The following DPP6 variants were observed in gnomAD, a reference collection of about 807,000 sequenced individuals.
The protein encoded by DPP6 is dipeptidyl peptidase like 6.
DPP6 carries 69 observed loss-of-function variants against 122.6 expected under a neutral mutation model. That is an observed-to-expected ratio of 0.56 (90% CI 0.46 to 0.69). DPP6 has a LOEUF of 0.69. Ranked by LOEUF, DPP6 falls within the 30% of genes least tolerant of loss-of-function variation. DPP6 has a pLI of 0.00. For missense variants in DPP6, 928 were observed against 1,116.9 expected (o/e 0.83, Z 2.41); for synonymous variants, 418 against 433.1 (o/e 0.97, Z 0.43).
chr7:154,116,540 A>C lies in DPP6; in HGVS notation c.243+63477A>C, dbSNP rs146570920. On this transcript the variant is annotated intron_variant, in intron 1 of 25. Coordinates refer to ENST00000377770, the MANE Select transcript of DPP6 (RefSeq NM_130797.4). ...ACAGTTTACTTTCCCCAATAAAACAAAACCTAAAGTATTTGGTCTTTAATA... is the reference window on the plus strand; with the variant it reads ...ACAGTTTACTTTCCCCAATAAAACACAACCTAAAGTATTTGGTCTTTAATA... 8.3e-3 allele frequency among the ~76,000 whole-genome samples: 1,259 copies of C among 152,372 alleles called. 3 individuals carry two copies. Among genetic ancestry groups the C allele is most frequent in the South Asian group, 0.014 (69 of 4,832 alleles).
rs1800483188 is a variant in DPP6 at position 154,224,460 on chromosome 7, C to A, written c.243+171397C>A. Among the ~76,000 whole-genome samples, 3 of 149,324 alleles carry A rather than the reference C, an allele frequency of 2.0e-5. 1 individual carries two copies. The highest frequency in any genetic ancestry group is 7.6e-5 in the African/African-American group (3 of 39,284). ...TGCTCTGGATAAAAATGAAACTCAA[C>A]TTTGAGGAAACTGTGTACTCTAAAT... On this transcript the variant is annotated intron_variant, in intron 1 of 25. Coordinates refer to ENST00000377770, the MANE Select transcript of DPP6 (RefSeq NM_130797.4).
At chr7:154,227,307 C>A (rs1800669167) in intron 1 of DPP6, among the ~76,000 whole-genome samples, 1 of 150,018 alleles carries the variant, frequency 6.7e-6, no homozygotes. Flanking sequence ...ACCTAGAGGA[C>A]ATTATACTAA....
intron 3 of DPP6, among the ~76,000 whole-genome samples, chr7:154,531,364 C>A (rs879558091): frequency 6.6e-6 from 1 of 152,078 alleles, no homozygotes; most frequent in Non-Finnish European, 1.5e-5. Context: ...GAGAGTGGAA[C>A]AGAGTTTCAA....
intron 1 of DPP6, among the ~76,000 whole-genome samples, chr7:154,007,135 C>T (rs565033429): frequency 3.7e-4 from 56 of 152,230 alleles, no homozygotes; most frequent in Admixed American, 2.3e-3. Flanking sequence ...GAGTGGTGCC[C>T]CAGTGTTGGG....
At chr7:154,032,334 C>G (rs1799286783) in intron 1 of DPP6, among the ~76,000 whole-genome samples, 2 of 152,044 alleles carry the variant, frequency 1.3e-5, no homozygotes, top group Admixed American at 6.6e-5. Flanking sequence ...AGCAAGGAAG[C>G]CTGTGTGGCT....
chr7:154,737,000 G>T (rs1401908329), intron 8 of DPP6, among the ~76,000 whole-genome samples: 1 of 152,156 alleles, frequency 6.6e-6, no homozygotes, highest in Non-Finnish European at 1.5e-5. Flanking sequence ...TATCCCCAAG[G>T]ATAAAGGAAA....
chr7:154,261,700 A>AC (rs1803031684), intron 1 of DPP6, among the ~76,000 whole-genome samples: 1 of 152,016 alleles, frequency 6.6e-6, no homozygotes, highest in Non-Finnish European at 1.5e-5. Context: ...CAAGAAAAAA[A>AC]CAAACAATCC....
At chr7:154,310,401 A>C (rs554722243) in intron 1 of DPP6, among the ~76,000 whole-genome samples, 2 of 152,364 alleles carry the variant, frequency 1.3e-5, no homozygotes, top group Admixed American at 6.5e-5. Flanking sequence ...AGTGCAAATC[A>C]GCAAGTGCCA....
intron 1 of DPP6, among the ~76,000 whole-genome samples, chr7:154,360,712 T>C (rs1239906973): frequency 6.6e-6 from 1 of 152,242 alleles, no homozygotes; most frequent in Non-Finnish European, 1.5e-5. Context: ...GTGTGATTTA[T>C]GACTGTATTC....
intron 1 of DPP6, among the ~76,000 whole-genome samples, chr7:153,931,032 A>G (rs2129013040): frequency 6.6e-6 from 1 of 152,310 alleles, no homozygotes; most frequent in Non-Finnish European, 1.5e-5. Context: ...CATTATTAAG[A>G]TTAGCTGTGT....
intron 1 of DPP6, among the ~76,000 whole-genome samples, chr7:154,374,859 G>A (rs1381200307): frequency 4.6e-5 from 7 of 152,126 alleles, no homozygotes; most frequent in African/African-American, 7.2e-5. Flanking sequence ...TGATCTGCCC[G>A]CCTCAGCCTC....
chr7:154,405,616 C>G (rs1816020668), intron 1 of DPP6, among the ~76,000 whole-genome samples: 1 of 151,590 alleles, frequency 6.6e-6, no homozygotes, highest in Non-Finnish European at 1.5e-5. Flanking sequence ...GCTCAGCTCC[C>G]CAGTGCAGTG....
At chr7:153,913,401 C>A (rs1283271415) in intron 1 of DPP6, among the ~76,000 whole-genome samples, 1 of 151,298 alleles carries the variant, frequency 6.6e-6, no homozygotes, top group Non-Finnish European at 1.5e-5. Flanking sequence ...TTTGAGCTAG[C>A]TTACAATAAA....
intron 1 of DPP6, among the ~76,000 whole-genome samples, chr7:154,307,309 C>G (rs1806435075): frequency 2.0e-5 from 3 of 152,176 alleles, no homozygotes; most frequent in Non-Finnish European, 4.4e-5. Context: ...GTCCTTGAAC[C>G]TATTCAATCG....
chr7:153,888,319 G>C (rs912747424), intron 1 of DPP6, among the ~76,000 whole-genome samples: 1 of 152,252 alleles, frequency 6.6e-6, no homozygotes, highest in African/African-American at 2.4e-5. Context: ...TGCCGGAGGA[G>C]GTCAGGGGCA....
intron 1 of DPP6, among the ~76,000 whole-genome samples, chr7:154,060,404 C>G (rs372498511): frequency 0.076 from 9,209 of 121,820 alleles, 917 homozygotes; most frequent in South Asian, 0.095. Context: ...GGACCCCCAT[C>G]GCAGAGGGGG....
At chr7:154,515,761 A>G (rs1051951129) in intron 3 of DPP6, among the ~76,000 whole-genome samples, 2 of 152,252 alleles carry the variant, frequency 1.3e-5, no homozygotes, top group South Asian at 4.1e-4. Flanking sequence ...GACGTGAGCT[A>G]TTGCGCCTGG....
intron 8 of DPP6, among the ~76,000 whole-genome samples, chr7:154,762,573 A>C (rs1200641012): frequency 6.6e-6 from 1 of 152,206 alleles, no homozygotes; most frequent in Non-Finnish European, 1.5e-5. Context: ...ATTGGACCCG[A>C]TGGCCTTGCT....
chr7:153,933,936 A>G (rs1801302309), intron 1 of DPP6, among the ~76,000 whole-genome samples: 1 of 152,252 alleles, frequency 6.6e-6, no homozygotes, highest in Non-Finnish European at 1.5e-5. Context: ...TCGCGTGGGA[A>G]CACAGATGCT....
Sources: gnomAD v4.1 joint callset for allele counts (sites outside exome capture counted in the v4.1 genomes callset) on GRCh38, gnomAD v4.1.1 for gene constraint, MANE v1.5 for transcripts, NCBI Gene and HGNC (gene_info 2026-07-23, HGNC 2026-07-21) for gene names.